STAB1: variants seen among roughly 807,000 people sequenced by gnomAD.
STAB1 encodes stabilin 1.
A neutral mutation model predicts 332.4 loss-of-function variants in STAB1; 250 were observed. That is an observed-to-expected ratio of 0.75 (90% CI 0.68 to 0.84). The LOEUF (loss-of-function observed/expected upper bound fraction) is 0.84, where lower values mean the gene tolerates loss of function less well. Among genes scored for constraint, STAB1 ranks in the 40% least tolerant of loss-of-function variants. The pLI, the probability that STAB1 is intolerant of heterozygous loss-of-function variation, is 0.00. For missense variants in STAB1, 3,249 were observed against 3,489.7 expected, an observed-to-expected ratio of 0.93 and a Z score of 1.74; for synonymous variants, 1,475 against 1,390.4, an observed-to-expected ratio of 1.06 and a Z score of -1.35.
Position 52,523,009 on chromosome 3 carries a change from C to G in STAB1, c.6911-16C>G, listed in dbSNP as rs373107428. On this transcript the variant is annotated splice_polypyrimidine_tract_variant and intron_variant, in intron 62 of 68. Transcript: ENST00000321725. Reference sequence around the variant, plus strand: ...TCCCACCAATCTGCTGAGCCACTGACCTGCTTTTCCTGCAGATGTGGCCTG... The same window carrying G: ...TCCCACCAATCTGCTGAGCCACTGAGCTGCTTTTCCTGCAGATGTGGCCTG... 2 of 1,584,914 alleles carry G rather than the reference C, an allele frequency of 1.3e-6. No homozygotes were observed. Among genetic ancestry groups the G allele is most frequent in the Non-Finnish European group, 1.7e-6 (2 of 1,161,916 alleles).
intron 46 of STAB1, 37 bp downstream of exon 46, chr3:52,518,396 C>T: frequency 1.9e-6 from 3 of 1,605,652 alleles, no homozygotes; most frequent in Non-Finnish European, 2.5e-6. Context: ...ACCTGCAAGT[C>T]CCACCCCTCT....
chr3:52,511,518 G>C (rs2153233530), intron 25 of STAB1, 132 bp from the exon 26 acceptor site: 1 of 684,364 alleles, frequency 1.5e-6, no homozygotes. Context: ...TCTGAGAGGA[G>C]GGCTGGGAGA....
chr3:52,503,787 C>T lies in STAB1; in HGVS notation c.907C>T (p.Arg303Trp), dbSNP rs372978446. 125 of 1,613,032 alleles carry T rather than the reference C, an allele frequency of 7.7e-5. No homozygotes were observed. Among genetic ancestry groups the T allele is most frequent in the Middle Eastern group, 1.6e-4 (1 of 6,080 alleles). ...CGGGGGCCAGGCCTTCTGCACCTGC[C>T]GGCCAGGCCTGGTCAGCATCAACAG... ...QKPGQAFCTC[R>W]PGLVSINSNA... Residue 303 changes from arginine (R) to tryptophan (W), a missense_variant, in exon 9 of 69, where the codon CGG (arginine) becomes TGG (tryptophan). Physicochemically the swap from Arg to Trp is moderately radical, Grantham distance 101. Transcript: ENST00000321725.
Position 52,501,993 on chromosome 3 carries a change from T to C in STAB1, c.332-13T>C. ...GTTCTGGGCACAGAGCTGAGTACTG[T>C]GGGGGTCCACAGAATGCCCTGGGGG... On this transcript the variant is annotated splice_polypyrimidine_tract_variant and intron_variant, in intron 3 of 68. Coordinates refer to ENST00000321725, the MANE Select transcript of STAB1 (RefSeq NM_015136.3). 2 of 1,611,490 alleles carry C rather than the reference T, an allele frequency of 1.2e-6. No homozygotes were observed. Among genetic ancestry groups the C allele is most frequent in the Non-Finnish European group, 1.7e-6 (2 of 1,179,896 alleles).
At chr3:52,513,818 C>T (rs1430757130) in intron 31 of STAB1, 24 bp downstream of exon 31, 2 of 1,613,050 alleles carry the variant, frequency 1.2e-6, no homozygotes, top group Non-Finnish European at 1.7e-6. Context: ...AGGGTGTGTG[C>T]AGGGAAACTT....
At chr3:52,512,571 A>T in intron 27 of STAB1, 25 bp from the exon 28 acceptor site, 1 of 1,613,812 alleles carries the variant, frequency 6.2e-7, no homozygotes, top group Non-Finnish European at 8.5e-7. Flanking sequence ...TGGTCCTGTG[A>T]CCTCAGACTT....
intron 40 of STAB1, 34 bp from the exon 41 acceptor site, chr3:52,516,658 G>A: frequency 1.2e-6 from 2 of 1,612,408 alleles, no homozygotes; most frequent in East Asian, 2.2e-5. Context: ...GACTGGACAG[G>A]CATGGGCTAA....
intron 50 of STAB1, 88 bp downstream of exon 50, chr3:52,519,652 C>T: frequency 6.6e-7 from 1 of 1,522,900 alleles, no homozygotes; most frequent in Non-Finnish European, 9.1e-7. Flanking sequence ...GTGTGCATAC[C>T]CACCTGTGTG....
At chr3:52,502,818 A>G (rs1330189510) in intron 6 of STAB1, 91 bp downstream of exon 6, 13 of 1,415,146 alleles carry the variant, frequency 9.2e-6, no homozygotes, top group Non-Finnish European at 1.1e-5. Flanking sequence ...CCTGAGCCTC[A>G]GCAGGACCTC....
chr3:52,495,722 A>T (rs1027960410), intron 1 of STAB1, among the ~76,000 whole-genome samples: 2 of 150,378 alleles, frequency 1.3e-5, no homozygotes, highest in African/African-American at 2.5e-5. Flanking sequence ...TCCTCTGACT[A>T]TGCGGGGCCG....
chr3:52,512,991 C>A, intron 29 of STAB1, 33 bp downstream of exon 29: 1 of 1,599,502 alleles, frequency 6.3e-7, no homozygotes, highest in East Asian at 2.2e-5. Flanking sequence ...GTGGGAGGGG[C>A]TTCCTTGAGG....
At chr3:52,515,631 A>G in intron 37 of STAB1, 125 bp downstream of exon 37, 1 of 983,402 alleles carries the variant, frequency 1.0e-6, no homozygotes, top group Non-Finnish European at 1.5e-6. Flanking sequence ...GGGTGAGGCC[A>G]GAACCCAGAG....
At chr3:52,513,016 C>A in intron 29 of STAB1, 58 bp downstream of exon 29, 1 of 1,580,580 alleles carries the variant, frequency 6.3e-7, no homozygotes, top group African/African-American at 1.4e-5. Context: ...CAGTCCCTCC[C>A]CAGCGAGTCC....
chr3:52,501,663 A>G lies in STAB1; in HGVS notation c.241A>G (p.Met81Val), dbSNP rs373628798. The change falls in exon 3 of 69, where the codon ATG (methionine) becomes GTG (valine). Residue 81 changes from methionine to valine, a missense_variant. Physicochemically the swap from Met to Val is conservative, Grantham distance 21. Transcript: ENST00000321725. ...CRYEVQLGGS[M>V]VSMSGCRRKC... ...CTACGAAGTACAGCTGGGGGGCTCTATGGTGTCCATGAGCGGCTGCAGACG... is the reference window on the plus strand; with the variant it reads ...CTACGAAGTACAGCTGGGGGGCTCTGTGGTGTCCATGAGCGGCTGCAGACG... 4.5e-6 allele frequency: 7 copies of G among 1,572,480 alleles called. No homozygotes were observed. Among genetic ancestry groups the G allele is most frequent in the Middle Eastern group, 1.7e-4 (1 of 6,038 alleles).
chr3:52,513,740 C>T lies in STAB1; in HGVS notation c.3294C>T (p.Ser1098=), dbSNP rs140431040. Residue 1098 remains serine, a synonymous_variant, in exon 31 of 69, where the codon AGC becomes AGT. Transcript: ENST00000321725. Reference sequence around the variant, plus strand: ...AGAGGGTCTGGGTGCAGAATGCCAGCGTGGATGTGGCTGACCTCCTTGCCA... The same window carrying T: ...AGAGGGTCTGGGTGCAGAATGCCAGTGTGGATGTGGCTGACCTCCTTGCCA... The part of the protein sequence containing the change: ...ISGRVWVQNA[S]VDVADLLATN... The T allele has an allele frequency of 1.1e-3, 1,732 of 1,613,422 alleles. 5 individuals carry two copies. The highest frequency in any genetic ancestry group is 1.1e-3 in the Non-Finnish European group (1,355 of 1,179,998).
chr3:52,513,105 A>AC (rs1559697801), intron 29 of STAB1, 25 bp from the exon 30 acceptor site: 8 of 1,554,592 alleles, frequency 5.1e-6, no homozygotes, highest in Admixed American at 2.0e-5. Context: ...TGATTCCATG[A>AC]CCCCCCTAAA....
intron 1 of STAB1, among the ~76,000 whole-genome samples, chr3:52,499,626 G>A (rs545713247): frequency 2.5e-4 from 38 of 150,694 alleles, no homozygotes; most frequent in South Asian, 1.3e-3. Context: ...CCGGCCGGGC[G>A]CGGTGGCTCA....
chr3:52,504,283 G>T (rs980545600), intron 10 of STAB1, 128 bp downstream of exon 10: 1 of 1,469,856 alleles, frequency 6.8e-7, no homozygotes. Flanking sequence ...AGGTGGCTGT[G>T]GGGGGTGCAT....
intron 30 of STAB1, 114 bp from the exon 31 acceptor site, chr3:52,513,603 C>A: frequency 9.2e-7 from 1 of 1,085,496 alleles, no homozygotes; most frequent in Non-Finnish European, 1.3e-6. Flanking sequence ...TGTGGGCCAG[C>A]CTGCGGACCA....
Sources: gnomAD v4.1 joint callset for allele counts (sites outside exome capture counted in the v4.1 genomes callset) on GRCh38, gnomAD v4.1.1 for gene constraint, MANE v1.5 for transcripts, NCBI Gene and HGNC (gene_info 2026-07-23, HGNC 2026-07-21) for gene names.